PRPF8: variants seen among roughly 807,000 people sequenced by gnomAD.
The protein encoded by PRPF8 is pre-mRNA processing factor 8.
Under a neutral mutation model 285.9 loss-of-function variants are expected in PRPF8, and 64 were observed. The observed-to-expected ratio is 0.22, with a 90% CI of 0.18 to 0.28. PRPF8 has a LOEUF of 0.28. Ranked by LOEUF, PRPF8 falls within the 10% of genes least tolerant of loss-of-function variation. The pLI is 1.00. For synonymous variants in PRPF8, 1,325 were observed against 1,118.2 expected, an observed-to-expected ratio of 1.18 and a Z score of -3.69; for missense variants, 1,426 against 3,026.7, an observed-to-expected ratio of 0.47 and a Z score of 12.41.
In PRPF8 at chr17:1,676,057, G is replaced by A; in HGVS notation, c.2553-3C>T. ...ACTGGTTCAACCGAGACTTCACACT[G>A]ACAAAAGCAATGGGAAGGGTGAATG... On this transcript the variant is annotated splice_polypyrimidine_tract_variant and splice_region_variant and intron_variant, in intron 17 of 42. Coordinates refer to ENST00000304992, the MANE Select transcript of PRPF8 (RefSeq NM_006445.4). The surrounding 1 kb of genome is among the most constrained non-coding windows in gnomAD (Gnocchi z 6.3). The A allele has an allele frequency of 6.2e-7, 1 of 1,613,030 alleles. No individual in the cohort carries two copies. Among genetic ancestry groups the A allele is most frequent in the South Asian group, 1.1e-5 (1 of 91,010 alleles).
At position 1,658,927 on chromosome 17, in the gene PRPF8, G is replaced by T. The variant is rs1248365157; in HGVS notation, c.5139-164C>A. ...GAAGAGAATCAGTGACCCATAGGAG[G>T]AATGGGCCACTTCCTCTCACTTAGG... is the stretch of plus-strand genomic sequence containing the variant. On this transcript the variant is annotated intron_variant, in intron 32 of 42. Transcript: ENST00000304992. This position sits in a 1 kb window ranked among gnomAD's most constrained non-coding sequence, Gnocchi z 4.1. 3 of 727,394 alleles carry T rather than the reference G, an allele frequency of 4.1e-6. No individual in the cohort carries two copies. Among genetic ancestry groups the T allele is most frequent in the Non-Finnish European group, 7.5e-6 (3 of 402,114 alleles). The allele number at this position is 727,394 out of a possible 1,614,324, so 45.1% of individuals were successfully genotyped here.
intron 24 of PRPF8, among the ~76,000 whole-genome samples, chr17:1,670,565 C>A (rs1480745831): frequency 6.6e-6 from 1 of 152,186 alleles, no homozygotes; most frequent in Non-Finnish European, 1.5e-5. Flanking sequence ...CGGCTCACTG[C>A]AACCTCCGCC....
At position 1,676,935 on chromosome 17, in the gene PRPF8, GACGGATGTTT is replaced by G. The variant is rs746144771; in HGVS notation, c.2181+31_2181+40del. ...CCCGAAGTGGTAATCCTACCCTAAA[GACGGATGTTT>G]ACGCCTCCAAGGAAATAAAGAGACA... is the stretch of plus-strand genomic sequence containing the variant. On this transcript the variant is annotated intron_variant, in intron 15 of 42. Coordinates refer to ENST00000304992, the MANE Select transcript of PRPF8 (RefSeq NM_006445.4). The surrounding 1 kb of genome is among the most constrained non-coding windows in gnomAD (Gnocchi z 6.3). 9.2e-5 allele frequency: 148 copies of G among 1,607,264 alleles called. No individual in the cohort carries two copies. The highest frequency in any genetic ancestry group is 1.2e-4 in the Non-Finnish European group (143 of 1,176,762).
In PRPF8 at chr17:1,679,729, T is replaced by C; in HGVS notation, c.1169A>G (p.Asp390Gly). ...LPEFVEPFLK[D>G]TPLYTDNTAN... ...TGTATTGTCTGTATAGAGGGGTGTG[T>C]CCTTCAGGAAGGGCTCCACAAACTC... Residue 390 changes from aspartate to glycine, a missense_variant, in exon 9 of 43, where the codon GAC becomes GGC. This residue lies in a region of PRPF8 where 137 missense variants were observed against 161.2 expected (regional missense o/e 0.85). Transcript: ENST00000304992. The surrounding 1 kb of genome is among the most constrained non-coding windows in gnomAD (Gnocchi z 4.7). 2 of 1,614,136 alleles carry C rather than the reference T, an allele frequency of 1.2e-6. No homozygotes were observed. The highest frequency in any genetic ancestry group is 4.5e-5 in the East Asian group (2 of 44,874).
chr17:1,658,816 A>C lies in PRPF8; in HGVS notation c.5139-53T>G. 2 of 1,511,944 alleles carry C rather than the reference A, an allele frequency of 1.3e-6. No individual in the cohort carries two copies. The highest frequency in any genetic ancestry group is 1.1e-5 in the South Asian group (1 of 88,882). 93.7% of individuals were successfully genotyped at this position (1,511,944 alleles called of 1,614,324 possible). ...TTAAGACGAGAATGACAGCCCCAGA[A>C]ACAAGACAAGCTGCCAACTCTACAG... On this transcript the variant is annotated intron_variant, in intron 32 of 42. Coordinates refer to ENST00000304992, the MANE Select transcript of PRPF8 (RefSeq NM_006445.4). This position sits in a 1 kb window ranked among gnomAD's most constrained non-coding sequence, Gnocchi z 4.1.
At position 1,659,023 on chromosome 17, in the gene PRPF8, T is replaced by G. The variant is rs1911544218; in HGVS notation, c.5139-260A>C. The stretch of plus-strand genomic sequence containing the variant: ...AATACACGGATTATTTATTTATTTA[T>G]TATTATTATTATTTTTCTTTGAGAT... On this transcript the variant is annotated intron_variant, in intron 32 of 42. Coordinates refer to ENST00000304992, the MANE Select transcript of PRPF8 (RefSeq NM_006445.4). The surrounding 1 kb of genome is among the most constrained non-coding windows in gnomAD (Gnocchi z 5.1). 2.0e-6 allele frequency: 1 copy of G among 508,978 alleles called. No individual in the cohort carries two copies. Among genetic ancestry groups the G allele is most frequent in the Non-Finnish European group, 3.4e-6 (1 of 293,450 alleles). The allele number at this position is 508,978 out of a possible 1,614,324, so 31.5% of individuals were successfully genotyped here.
Position 1,674,460 on chromosome 17 carries a change from C to T in PRPF8, c.3281G>A (p.Arg1094His), listed in dbSNP as rs1274107477. The T allele has an allele frequency of 3.1e-6, 5 of 1,614,068 alleles. No individual in the cohort carries two copies. The highest frequency in any genetic ancestry group is 1.7e-5 in the Admixed American group (1 of 60,004). Residue 1094 changes from arginine (R) to histidine (H), a missense_variant, in exon 21 of 43, where the codon CGC (arginine) becomes CAC (histidine). Arg to His is a conservative substitution (Grantham distance 29). This residue lies in a region of PRPF8 where 148 missense variants were observed against 196.2 expected (regional missense o/e 0.75). Coordinates refer to ENST00000304992, the MANE Select transcript of PRPF8 (RefSeq NM_006445.4). ...PIRLFCRYIDRIHIFFRFTAD... is the reference protein window; with the variant it reads ...PIRLFCRYIDHIHIFFRFTAD... Reference sequence around the variant, plus strand: ...CCCTCACCTGAAAAAAATATGGATGCGATCAATGTATCTGCAGAAGAGACG... The same window carrying T: ...CCCTCACCTGAAAAAAATATGGATGTGATCAATGTATCTGCAGAAGAGACG...
intron 13 of PRPF8, 41 bp downstream of exon 13, chr17:1,678,477 C>CT: frequency 6.2e-7 from 1 of 1,612,562 alleles, no homozygotes; most frequent in Non-Finnish European, 8.5e-7. Context: ...GAGTAAGACT[C>CT]TGTCTCAAAA....
rs375752886 is a variant in PRPF8, at chr17:1,682,336, T to A, written c.270-43A>T. The A allele has an allele frequency of 1.3e-4, 213 of 1,598,746 alleles. No individual in the cohort carries two copies. The African/African-American group carries it at 2.5e-3, about 19-fold the overall frequency. On this transcript the variant is annotated intron_variant, in intron 3 of 42. Transcript: ENST00000304992. ...GAGAAGGCTATCAGAAATGACGAGG[T>A]GTTCTGCTACCTGTCCCATGCAGAG...
intron 3 of PRPF8, 133 bp from the exon 4 acceptor site, chr17:1,682,426 CCCTT>C: frequency 9.0e-7 from 1 of 1,111,928 alleles, no homozygotes; most frequent in African/African-American, 1.5e-5. Context: ...AGCCCACAGG[CCCTT>C]CCTAACCAGA....
intron 2 of PRPF8, 49 bp downstream of exon 2, chr17:1,684,403 CCACCCGCCTGCGCGCGCGCA>C: frequency 2.6e-6 from 4 of 1,536,200 alleles, no homozygotes; most frequent in Non-Finnish European, 2.7e-6. Context: ...GGGAGGGTCC[CCACCCGCCTGCGCGCGCGCA>C]CACCCGCCCC....
chr17:1,680,304 G>T (rs117626516), intron 8 of PRPF8, among the ~76,000 whole-genome samples: 2,459 of 152,272 alleles, frequency 0.016, 27 homozygotes, highest in Non-Finnish European at 0.026. Flanking sequence ...AACTGCTAAG[G>T]GTTTCTTTCT....
At position 1,675,136 on chromosome 17, in the gene PRPF8, T is replaced by C. The variant is rs1912544741; in HGVS notation, c.3060+16A>G. On this transcript the variant is annotated intron_variant, in intron 20 of 42. Transcript: ENST00000304992. The surrounding 1 kb of genome is among the most constrained non-coding windows in gnomAD (Gnocchi z 6.0). ...CACTCCACACACAATTCCATGCTACTGCGCCTGAGACGCACCTTATAGTTG... is the reference window on the plus strand; with the variant it reads ...CACTCCACACACAATTCCATGCTACCGCGCCTGAGACGCACCTTATAGTTG... 1 of 1,612,830 alleles carries C rather than the reference T, an allele frequency of 6.2e-7. No homozygotes were observed. Among genetic ancestry groups the C allele is most frequent in the Non-Finnish European group, 8.5e-7 (1 of 1,180,016 alleles).
chr17:1,653,702 T>C lies in PRPF8; in HGVS notation c.6228-19A>G, dbSNP rs1203992749. 3 of 1,613,760 alleles carry C rather than the reference T, an allele frequency of 1.9e-6. No individual in the cohort carries two copies. The highest frequency in any genetic ancestry group is 2.7e-5 in the African/African-American group (2 of 74,818). On this transcript the variant is annotated intron_variant, in intron 38 of 42. Transcript: ENST00000304992. The surrounding 1 kb of genome is among the most constrained non-coding windows in gnomAD (Gnocchi z 4.9). ...GATGGCCCTAAAAACAGGCAGGGAG[T>C]GTCAGCATCGCTCAGCCCAGCACCT... is the stretch of plus-strand genomic sequence containing the variant.
intron 3 of PRPF8, chr17:1,682,944 A>T (rs1913016065): frequency 5.3e-6 from 1 of 187,028 alleles, no homozygotes; most frequent in Non-Finnish European, 1.1e-5. Flanking sequence ...CACTATGCAC[A>T]GTATCCCACT....
chr17:1,682,682 G>A (rs980958728), intron 3 of PRPF8, among the ~76,000 whole-genome samples: 1 of 152,202 alleles, frequency 6.6e-6, no homozygotes, highest in Non-Finnish European at 1.5e-5. Context: ...CAGAAAGGCG[G>A]AGATTGTTAC....
In PRPF8 at chr17:1,658,107, A is replaced by G; in HGVS notation, c.5505+146T>C. On this transcript the variant is annotated intron_variant, in intron 34 of 42. Transcript: ENST00000304992. The surrounding 1 kb of genome is among the most constrained non-coding windows in gnomAD (Gnocchi z 4.1). ...CCTCATACACTCTTGGACCTCCCACAGAATACTTCCCAAGGTATTTTGGGG... is the reference window on the plus strand; with the variant it reads ...CCTCATACACTCTTGGACCTCCCACGGAATACTTCCCAAGGTATTTTGGGG... 7.9e-7 allele frequency: 1 copy of G among 1,268,162 alleles called. No homozygotes were observed. The highest frequency in any genetic ancestry group is 1.1e-6 in the Non-Finnish European group (1 of 895,144). The allele number at this position is 1,268,162 out of a possible 1,614,324, so 78.6% of individuals were successfully genotyped here. A position where few individuals can be genotyped will look rare whatever the true frequency, so the allele number is the denominator to read the frequency against.
Position 1,656,383 on chromosome 17 carries a change from GGTTCATACCGTGT to G in PRPF8, c.5789_5793+8del, listed in dbSNP as rs754166194. On this transcript the variant is annotated splice_donor_variant and splice_donor_5th_base_variant and coding_sequence_variant and intron_variant, in exon 36 of 43. Transcript: ENST00000304992. LOFTEE classifies it high-confidence loss of function. ...TCCTCCAGCGATCTTCTCTTCCCGA[GGTTCATACCGTGT>G]AAGATGAAATAGTCTTGAGCCAGTC... 6.2e-7 allele frequency: 1 copy of G among 1,614,162 alleles called. No homozygotes were observed. The highest frequency in any genetic ancestry group is 8.5e-7 in the Non-Finnish European group (1 of 1,180,026).
chr17:1,684,437 T>TC (rs747515350), intron 2 of PRPF8, 35 bp downstream of exon 2: 1 of 1,610,396 alleles, frequency 6.2e-7, no homozygotes, highest in Non-Finnish European at 8.5e-7. Context: ...CCGCCCCGCC[T>TC]CCGGCCCGCG....
Sources: gnomAD v4.1 joint callset for allele counts (sites outside exome capture counted in the v4.1 genomes callset) on GRCh38, gnomAD v4.1.1 for gene constraint, gnomAD v4.1.1 regional missense constraint, Gnocchi (gnomAD v3.1) non-coding constraint, MANE v1.5 for transcripts, NCBI Gene and HGNC (gene_info 2026-07-23, HGNC 2026-07-21) for gene names.